Variants in PCDHA4 observed in about 807,000 individuals in gnomAD.
PCDHA4 encodes protocadherin alpha-4.
PCDHA4 carries 49 observed loss-of-function variants against 61.4 expected under a neutral mutation model. The ratio of observed to expected loss-of-function variants is 0.80; its 90% CI spans 0.63 to 1.01. PCDHA4 has a LOEUF of 1.01. Ranked by LOEUF, PCDHA4 falls within the 50% of genes least tolerant of loss-of-function variation. The probability of loss-of-function intolerance (pLI) is 0.00; values close to 1 mark genes in which losing one functional copy is unlikely to be tolerated. For missense variants in PCDHA4, 1,254 were observed against 1,235.8 expected, an observed-to-expected ratio of 1.01 and a Z score of -0.22; for synonymous variants, 590 against 550.3, an observed-to-expected ratio of 1.07 and a Z score of -1.01.
At chr5:140,897,458 G>T (rs191522392) in intron 1 of PCDHA4, among the ~76,000 whole-genome samples, 1 of 151,310 alleles carries the variant, frequency 6.6e-6, no homozygotes, top group African/African-American at 2.4e-5. Flanking sequence ...TTGTCCTTGC[G>T]ATAGTTTACT....
chr5:140,884,692 G>A, intron 1 of PCDHA4: 7 of 1,528,834 alleles, frequency 4.6e-6, no homozygotes, highest in Non-Finnish European at 6.1e-6. Context: ...AATTGTCTTA[G>A]TAAACACTTT....
chr5:140,877,867 T>A lies in PCDHA4; in HGVS notation c.2385+68295T>A, dbSNP rs782120587. 4.7e-6 allele frequency: 7 copies of A among 1,490,888 alleles called. No individual in the cohort carries two copies. The Admixed American group carries it at 1.7e-4, about 37-fold the overall frequency. 92.4% of individuals were successfully genotyped at this position (1,490,888 alleles called of 1,614,324 possible). A position where few individuals can be genotyped will look rare whatever the true frequency, so the allele number is the denominator to read the frequency against. On this transcript the variant is annotated intron_variant, in intron 1 of 3. Coordinates refer to ENST00000530339, the MANE Select transcript of PCDHA4 (RefSeq NM_018907.4). ...AAGTTATTAATATTATTTAGATATA[T>A]TTGTTTCCTTGAAGAACTTCCGTTT...
At chr5:140,835,891 C>G in intron 1 of PCDHA4, 1 of 1,611,968 alleles carries the variant, frequency 6.2e-7, no homozygotes, top group African/African-American at 1.3e-5. Flanking sequence ...GGCGAGCGCG[C>G]GCTGTCGAGC....
intron 3 of PCDHA4, among the ~76,000 whole-genome samples, chr5:140,983,265 T>C (rs553920702): frequency 6.6e-6 from 1 of 152,200 alleles, no homozygotes; most frequent in Non-Finnish European, 1.5e-5. Flanking sequence ...AAAAACCTAA[T>C]GGCTGGGTGA....
intron 1 of PCDHA4, chr5:140,869,103 G>T: frequency 6.2e-7 from 1 of 1,600,312 alleles, no homozygotes; most frequent in Non-Finnish European, 8.5e-7. Context: ...TTTCGTATGC[G>T]ATGTTTGGTT....
chr5:140,982,413 G>A, intron 2 of PCDHA4, 62 bp from the exon 3 acceptor site: 2 of 1,609,608 alleles, frequency 1.2e-6, no homozygotes, highest in Non-Finnish European at 1.7e-6. Flanking sequence ...TTCTGAGGGT[G>A]GAAGAAGAGA....
At chr5:140,862,441 T>A (rs1429423701) in intron 1 of PCDHA4, 1 of 358,060 alleles carries the variant, frequency 2.8e-6, no homozygotes, top group Non-Finnish European at 5.5e-6. Context: ...TCGTTGGTAC[T>A]CCACAGCGCC....
At chr5:140,853,047 T>C in intron 1 of PCDHA4, 1 of 270,060 alleles carries the variant, frequency 3.7e-6, no homozygotes, top group Non-Finnish European at 5.9e-6. Context: ...CCCGCCTAAT[T>C]TTTTTGTATT....
In PCDHA4 at chr5:141,003,833, A is replaced by G. The variant is rs1215772990; in HGVS notation, c.2534-5794A>G. On this transcript the variant is annotated intron_variant, in intron 3 of 3. Transcript: ENST00000530339. ...AGTCTGGGAAGGGCTCTGCCTAACG[A>G]TTCAGACCCCTACCAGATTTATATG... is the stretch of plus-strand genomic sequence containing the variant. 2.6e-5 allele frequency among the ~76,000 whole-genome samples: 4 copies of G among 152,176 alleles called. No individual in the cohort carries two copies. In the East Asian group the frequency reaches 7.7e-4, roughly 29 times the overall value.
chr5:140,979,303 C>T (rs1048294748), intron 2 of PCDHA4, among the ~76,000 whole-genome samples: 5 of 152,148 alleles, frequency 3.3e-5, no homozygotes, highest in East Asian at 3.8e-4. Context: ...CTCCTTCATC[C>T]CTCTCTACCT....
rs576037609 is a variant in PCDHA4, at chr5:140,856,982, A to C, written c.2385+47410A>C. 1.2e-5 allele frequency: 19 copies of C among 1,595,040 alleles called. 1 individual carries two copies. In the South Asian group the frequency reaches 1.9e-4, roughly 16 times the overall value. ...AAATGATGCTATTGACTTTGAGGAC[A>C]GTAACACTTATGAAATTCATGTAGA... is the stretch of plus-strand genomic sequence containing the variant. On this transcript the variant is annotated intron_variant, in intron 1 of 3. Transcript: ENST00000530339.
chr5:140,993,811 G>A (rs1554253953), intron 3 of PCDHA4, among the ~76,000 whole-genome samples: 3 of 152,154 alleles, frequency 2.0e-5, no homozygotes, highest in African/African-American at 2.4e-5. Flanking sequence ...TGTAGCCTAG[G>A]AGCAATAGGC....
chr5:140,920,530 G>T (rs2079676121), intron 1 of PCDHA4, among the ~76,000 whole-genome samples: 1 of 152,148 alleles, frequency 6.6e-6, no homozygotes, highest in African/African-American at 2.4e-5. Context: ...GTTAGACTCA[G>T]GTTTTCTATT....
At chr5:140,843,810 T>C in intron 1 of PCDHA4, 1 of 1,274,540 alleles carries the variant, frequency 7.8e-7, no homozygotes, top group Non-Finnish European at 1.1e-6. Context: ...CCGTATTTTA[T>C]AGTGAAAATT....
At chr5:140,831,961 A>G (rs1331979824) in intron 1 of PCDHA4, among the ~76,000 whole-genome samples, 1 of 152,176 alleles carries the variant, frequency 6.6e-6, no homozygotes, top group Non-Finnish European at 1.5e-5. Flanking sequence ...ACTTTATGTC[A>G]TTTTATGCTA....
intron 1 of PCDHA4, among the ~76,000 whole-genome samples, chr5:140,949,594 G>C (rs914390039): frequency 6.6e-6 from 1 of 151,450 alleles, no homozygotes; most frequent in African/African-American, 2.4e-5. Context: ...ATATTAATGT[G>C]GCCATTCTAG....
intron 1 of PCDHA4, chr5:140,829,438 T>A (rs782236378): frequency 2.5e-6 from 4 of 1,613,992 alleles, no homozygotes; most frequent in Non-Finnish European, 3.4e-6. Flanking sequence ...CCGACATGAA[T>A]GACAATGCTC....
chr5:140,998,639 A>G (rs1165002908), intron 3 of PCDHA4, among the ~76,000 whole-genome samples: 2 of 151,766 alleles, frequency 1.3e-5, no homozygotes, highest in African/African-American at 2.4e-5. Flanking sequence ...ATCTCAGCTC[A>G]CTGCAACCTC....
At chr5:140,981,601 T>C (rs2096939953) in intron 2 of PCDHA4, among the ~76,000 whole-genome samples, 1 of 152,086 alleles carries the variant, frequency 6.6e-6, no homozygotes, top group Non-Finnish European at 1.5e-5. Flanking sequence ...AACAAAATGT[T>C]CCTCTAATTT....
Sources: gnomAD v4.1 joint callset for allele counts (sites outside exome capture counted in the v4.1 genomes callset) on GRCh38, gnomAD v4.1.1 for gene constraint, MANE v1.5 for transcripts, NCBI Gene and HGNC (gene_info 2026-07-23, HGNC 2026-07-21) for gene names.